Variants in SNX7 observed in about 807,000 individuals in gnomAD.
SNX7 encodes sorting nexin-7.
Under a neutral mutation model 48.4 loss-of-function variants are expected in SNX7, and 35 were observed. That is an observed-to-expected ratio of 0.72 (90% CI 0.55 to 0.96). The LOEUF (loss-of-function observed/expected upper bound fraction) is 0.96. SNX7 is among the 40% of genes least tolerant of loss of function. The pLI is 0.00. For missense variants in SNX7, 553 were observed against 548.9 expected (o/e 1.01, Z -0.07); for synonymous variants, 190 against 190.2 (o/e 1.00, Z 0.01).
chr1:98,731,575 T>C (rs983209142), intron 7 of SNX7, among the ~76,000 whole-genome samples: 1 of 152,142 alleles, frequency 6.6e-6, no homozygotes, highest in Non-Finnish European at 1.5e-5. Context: ...AATTTGTTTT[T>C]AGGCTTTCTC....
intron 1 of SNX7, among the ~76,000 whole-genome samples, chr1:98,676,636 C>G (rs999186870): frequency 6.6e-6 from 1 of 152,120 alleles, no homozygotes; most frequent in Non-Finnish European, 1.5e-5. Context: ...TGAGTATTAT[C>G]GATGCTTCAA....
At chr1:98,697,913 C>T (rs2100969097) in intron 5 of SNX7, among the ~76,000 whole-genome samples, 1 of 152,200 alleles carries the variant, frequency 6.6e-6, no homozygotes, top group South Asian at 2.1e-4. Context: ...GGCAGAGGGA[C>T]ATGTGCAAAT....
At chr1:98,675,568 A>G (rs1650116995) in intron 1 of SNX7, among the ~76,000 whole-genome samples, 1 of 152,220 alleles carries the variant, frequency 6.6e-6, no homozygotes, top group South Asian at 2.1e-4. Context: ...ATGCTAAATT[A>G]TGTAGTAGGT....
intron 8 of SNX7, among the ~76,000 whole-genome samples, chr1:98,751,470 TC>T (rs577038733): frequency 1.9e-3 from 290 of 152,180 alleles, no homozygotes; most frequent in African/African-American, 6.7e-3. Flanking sequence ...GGGTCTGTTT[TC>T]CCCACCTCTG....
intron 7 of SNX7, among the ~76,000 whole-genome samples, chr1:98,729,069 A>G (rs964168732): frequency 6.6e-6 from 1 of 152,186 alleles, no homozygotes; most frequent in Admixed American, 6.5e-5. Context: ...AACAAATACA[A>G]AAGAACTGAA....
At chr1:98,679,743 C>G (rs1009942735) in intron 1 of SNX7, among the ~76,000 whole-genome samples, 2 of 152,208 alleles carry the variant, frequency 1.3e-5, no homozygotes, top group African/African-American at 4.8e-5. Context: ...CTCCATGTCT[C>G]ACATACAGGT....
At chr1:98,700,584 G>C (rs1404060164) in intron 6 of SNX7, among the ~76,000 whole-genome samples, 2 of 150,730 alleles carry the variant, frequency 1.3e-5, no homozygotes, top group South Asian at 2.1e-4. Context: ...TCACTCTGTT[G>C]CACAGGCTGG....
Position 98,662,712 on chromosome 1 carries a change from C to T in SNX7, c.180+801C>T, listed in dbSNP as rs1205330623. 3 of 1,289,246 alleles carry T rather than the reference C, an allele frequency of 2.3e-6. No individual in the cohort carries two copies. The African/African-American group carries it at 4.6e-5, about 20-fold the overall frequency. 79.9% of individuals were successfully genotyped at this position (1,289,246 alleles called of 1,614,324 possible). A position where few individuals can be genotyped will look rare whatever the true frequency, so the allele number is the denominator to read the frequency against. On this transcript the variant is annotated intron_variant, in intron 1 of 8. Coordinates refer to ENST00000306121, the MANE Select transcript of SNX7 (RefSeq NM_015976.5). ...TTTCTTGCAGGGAGGTTGAATGTCA[C>T]TCCAGTTTCTCAAGTTGCTGCTGAG...
intron 5 of SNX7, among the ~76,000 whole-genome samples, chr1:98,697,342 A>T (rs2100967985): frequency 6.6e-6 from 1 of 152,208 alleles, no homozygotes; most frequent in East Asian, 1.9e-4. Flanking sequence ...AAGTTTTAGT[A>T]GTTTAGAGAA....
intron 7 of SNX7, among the ~76,000 whole-genome samples, chr1:98,705,293 G>A (rs1489277088): frequency 1.3e-5 from 2 of 152,168 alleles, no homozygotes; most frequent in African/African-American, 4.8e-5. Flanking sequence ...AGCTGTTCAT[G>A]TAGAGTTTTG....
At position 98,684,822 on chromosome 1, in the gene SNX7, A is replaced by ATTAAT; in HGVS notation, c.181-62_181-61insTAATT. The ATTAAT allele has an allele frequency of 2.6e-6, 3 of 1,152,764 alleles. No homozygotes were observed. The South Asian group carries it at 8.0e-5, about 31-fold the overall frequency. 71.4% of individuals were successfully genotyped at this position (1,152,764 alleles called of 1,614,324 possible). ...GATATATTTCATTAATATTGATAGCATCTAGAAATAGAAGAGTTTAATTTT... is the reference window on the plus strand; with the variant it reads ...GATATATTTCATTAATATTGATAGCATTAATTCTAGAAATAGAAGAGTTTAATTTT... On this transcript the variant is annotated intron_variant, in intron 1 of 8. Coordinates refer to ENST00000306121, the MANE Select transcript of SNX7 (RefSeq NM_015976.5).
In SNX7 at chr1:98,698,706, A is replaced by G; in HGVS notation, c.839A>G (p.Glu280Gly). The change falls in exon 6 of 9, where the codon GAA becomes GGA. Residue 280 changes from glutamate to glycine, a missense_variant and splice_region_variant. Transcript: ENST00000306121. ...ISQRIYKEER[E>G]YFDEMKEYGP... ...TTATTAAGTCTTTTTTTTTTTTTAG[A>G]ATATTTTGATGAAATGAAAGAATAT... 1 of 1,593,038 alleles carries G rather than the reference A, an allele frequency of 6.3e-7. No individual in the cohort carries two copies. Among genetic ancestry groups the G allele is most frequent in the Non-Finnish European group, 8.5e-7 (1 of 1,171,812 alleles).
intron 8 of SNX7, among the ~76,000 whole-genome samples, chr1:98,743,883 T>A (rs1048643100): frequency 6.6e-6 from 1 of 152,168 alleles, no homozygotes; most frequent in East Asian, 1.9e-4. Flanking sequence ...TTCCAAGTAT[T>A]CTGACCTTAA....
rs182697642 is a variant in SNX7, at chr1:98,710,377, C to T, written c.1125+8474C>T. ...AAAGACTGTGGAAAAAGAGAGGCAG[C>T]GTAACAATGTTGCAGATAATTTCTA... On this transcript the variant is annotated intron_variant, in intron 7 of 8. Transcript: ENST00000306121. Among the ~76,000 whole-genome samples the T allele has an allele frequency of 3.3e-4, 50 of 151,906 alleles. No individual in the cohort carries two copies. In the East Asian group the frequency reaches 9.1e-3, roughly 28 times the overall value.
chr1:98,718,958 C>T (rs773413859), intron 7 of SNX7, among the ~76,000 whole-genome samples: 2 of 151,992 alleles, frequency 1.3e-5, no homozygotes, highest in African/African-American at 4.8e-5. Flanking sequence ...ATATTTATTT[C>T]TGATATTTTG....
intron 1 of SNX7, among the ~76,000 whole-genome samples, chr1:98,664,009 G>A (rs1006301779): frequency 5.3e-5 from 8 of 152,170 alleles, no homozygotes; most frequent in African/African-American, 1.9e-4. Flanking sequence ...GCAAATTTAA[G>A]AAAGCCTGCT....
chr1:98,677,744 G>A (rs997692639), intron 1 of SNX7, among the ~76,000 whole-genome samples: 20 of 151,998 alleles, frequency 1.3e-4, no homozygotes, highest in African/African-American at 4.6e-4. Flanking sequence ...CAGGCGTGGT[G>A]GCAGGCACCT....
At chr1:98,711,535 C>T (rs541737145) in intron 7 of SNX7, among the ~76,000 whole-genome samples, 3 of 152,234 alleles carry the variant, frequency 2.0e-5, no homozygotes, top group South Asian at 2.1e-4. Flanking sequence ...ATACTGTAGT[C>T]TATTAAATAT....
chr1:98,715,699 G>A (rs951821179), intron 7 of SNX7, among the ~76,000 whole-genome samples: 1 of 152,044 alleles, frequency 6.6e-6, no homozygotes, highest in African/African-American at 2.4e-5. Context: ...TCACCTCTTT[G>A]CTTCTGATAC....
Sources: allele counts gnomAD v4.1 joint callset (sites outside exome capture counted in the v4.1 genomes callset), GRCh38; gene constraint gnomAD v4.1.1; transcripts MANE v1.5; gene names NCBI Gene and HGNC (gene_info 2026-07-23, HGNC 2026-07-21).